The following KSR1 variants were observed in gnomAD, a reference collection of about 807,000 sequenced individuals.
KSR1 encodes kinase suppressor of ras 1.
A neutral mutation model predicts 92.9 loss-of-function variants in KSR1; 35 were observed. That is an observed-to-expected ratio of 0.38 (90% CI 0.29 to 0.50). KSR1 has a LOEUF of 0.50. KSR1 is among the 20% of genes least tolerant of loss of function. KSR1 has a pLI of 0.94. For missense variants in KSR1, 972 were observed against 1,158.5 expected, an observed-to-expected ratio of 0.84 and a Z score of 2.34; for synonymous variants, 467 against 472.6, an observed-to-expected ratio of 0.99 and a Z score of 0.15.
chr17:27,521,095 A>G (rs1597936048), intron 1 of KSR1, among the ~76,000 whole-genome samples: 1 of 152,154 alleles, frequency 6.6e-6, no homozygotes, highest in Non-Finnish European at 1.5e-5. Flanking sequence ...TGTTTGAATC[A>G]TGGGTGCTTT....
chr17:27,498,039 G>A (rs1432208138), intron 1 of KSR1, among the ~76,000 whole-genome samples: 1 of 152,134 alleles, frequency 6.6e-6, no homozygotes. Context: ...CCTTAAAAAT[G>A]CCTCTTGAGG....
chr17:27,531,387 G>A (rs2070531752), intron 1 of KSR1, among the ~76,000 whole-genome samples: 1 of 152,234 alleles, frequency 6.6e-6, no homozygotes, highest in South Asian at 2.1e-4. Context: ...GCCTTTGAAG[G>A]GGCTGCCTGG....
chr17:27,582,896 C>CACGG lies in KSR1; in HGVS notation c.771_772insACGG (p.Gly258ThrfsTer57). The CACGG allele has an allele frequency of 6.2e-7, 1 of 1,612,608 alleles. No homozygotes were observed. The highest frequency in any genetic ancestry group is 8.5e-7 in the Non-Finnish European group (1 of 1,179,340). ...ACACCTGTATTCCCCTGCACGCCAGCGGCCGGCTGACCCCCCGTGCCCTGC... is the reference window on the plus strand; with the variant it reads ...ACACCTGTATTCCCCTGCACGCCAGCACGGGGCCGGCTGACCCCCCGTGCCCTGC... On this transcript the variant is annotated frameshift_variant, in exon 4 of 21. Coordinates refer to ENST00000644974, the MANE Select transcript of KSR1 (RefSeq NM_001394583.1). LOFTEE classifies it high-confidence loss of function.
intron 4 of KSR1, among the ~76,000 whole-genome samples, chr17:27,583,553 C>T (rs1160982103): frequency 6.6e-6 from 1 of 152,250 alleles, no homozygotes; most frequent in Non-Finnish European, 1.5e-5. Context: ...CGTACTCCTT[C>T]TTGGAAGTTC....
intron 1 of KSR1, among the ~76,000 whole-genome samples, chr17:27,486,219 G>A (rs1016577251): frequency 2.3e-4 from 35 of 152,168 alleles, no homozygotes; most frequent in African/African-American, 7.2e-4. Flanking sequence ...ACAGCCCTTC[G>A]AGGATTTTCT....
At chr17:27,570,388 C>T (rs2072259293) in intron 2 of KSR1, among the ~76,000 whole-genome samples, 1 of 152,160 alleles carries the variant, frequency 6.6e-6, no homozygotes, top group African/African-American at 2.4e-5. Flanking sequence ...ATGTGCTGAC[C>T]TCTGTGGTTC....
intron 2 of KSR1, among the ~76,000 whole-genome samples, chr17:27,570,106 C>G (rs2072247478): frequency 6.6e-6 from 1 of 152,214 alleles, no homozygotes; most frequent in Non-Finnish European, 1.5e-5. Context: ...GGAGGAGCCT[C>G]CTGCAGCTGC....
At chr17:27,540,521 C>T (rs761424682) in intron 1 of KSR1, among the ~76,000 whole-genome samples, 1 of 152,188 alleles carries the variant, frequency 6.6e-6, no homozygotes, top group Non-Finnish European at 1.5e-5. Context: ...GGAGGCTTGG[C>T]GGGGAGGTTG....
chr17:27,601,786 GATGGGAGGATATCTT>G, intron 11 of KSR1: 2 of 792,650 alleles, frequency 2.5e-6, no homozygotes, highest in Non-Finnish European at 4.1e-6. Context: ...CTTGCACAAT[GATGGGAGGATATCTT>G]ATGCACAATG....
intron 1 of KSR1, chr17:27,526,632 T>C: frequency 6.4e-7 from 1 of 1,564,086 alleles, no homozygotes; most frequent in Admixed American, 1.7e-5. Context: ...TCGTGCATCT[T>C]TTTTAAAGCA....
intron 9 of KSR1, among the ~76,000 whole-genome samples, chr17:27,594,391 A>T (rs2073270345): frequency 6.6e-6 from 1 of 151,680 alleles, no homozygotes; most frequent in Non-Finnish European, 1.5e-5. Flanking sequence ...CTCTCCAGCT[A>T]CACCAAGCAC....
intron 1 of KSR1, among the ~76,000 whole-genome samples, chr17:27,484,112 A>G (rs2068594643): frequency 6.6e-6 from 1 of 152,190 alleles, no homozygotes; most frequent in Non-Finnish European, 1.5e-5. Context: ...AAGCAGACAG[A>G]GAGCAGTGAG....
At chr17:27,518,704 C>G (rs752449786) in intron 1 of KSR1, among the ~76,000 whole-genome samples, 1 of 152,152 alleles carries the variant, frequency 6.6e-6, no homozygotes, top group Non-Finnish European at 1.5e-5. Flanking sequence ...TGGCAGGAGT[C>G]GGGAAAGCTT....
intron 1 of KSR1, among the ~76,000 whole-genome samples, chr17:27,547,746 T>C (rs1322978168): frequency 1.3e-5 from 2 of 152,158 alleles, no homozygotes; most frequent in Admixed American, 1.3e-4. Flanking sequence ...AGACGATCAC[T>C]AAGGCTGGCA....
chr17:27,466,658 A>G (rs533397984), intron 1 of KSR1, among the ~76,000 whole-genome samples: 31 of 152,362 alleles, frequency 2.0e-4, no homozygotes, highest in African/African-American at 7.0e-4. Context: ...GGGCTGGGCT[A>G]CAGATGAAGA....
At position 27,582,886 on chromosome 17, in the gene KSR1, T is replaced by C; in HGVS notation, c.761T>C (p.Leu254Pro). 1 of 1,612,728 alleles carries C rather than the reference T, an allele frequency of 6.2e-7. No individual in the cohort carries two copies. The highest frequency in any genetic ancestry group is 8.5e-7 in the Non-Finnish European group (1 of 1,179,508). The change falls in exon 4 of 21, where the codon CTG becomes CCG. Residue 254 changes from leucine (L) to proline (P), a missense_variant. Transcript: ENST00000644974. ...SEGLSDTCIP[L>P]HASGRLTPRA... ...GGCCTCTCAGACACCTGTATTCCCCTGCACGCCAGCGGCCGGCTGACCCCC... is the reference window on the plus strand; with the variant it reads ...GGCCTCTCAGACACCTGTATTCCCCCGCACGCCAGCGGCCGGCTGACCCCC...
At chr17:27,499,386 A>G (rs2069099746) in intron 1 of KSR1, among the ~76,000 whole-genome samples, 1 of 152,236 alleles carries the variant, frequency 6.6e-6, no homozygotes, top group African/African-American at 2.4e-5. Context: ...TGAAGTAGCT[A>G]AGAAGGGAGA....
intron 19 of KSR1, among the ~76,000 whole-genome samples, chr17:27,618,814 A>T (rs934241616): frequency 1.3e-5 from 2 of 152,190 alleles, no homozygotes; most frequent in African/African-American, 2.4e-5. Context: ...GTGTCTGTAC[A>T]ATCTGCAAAC....
Position 27,459,848 on chromosome 17 carries a change from C to T in KSR1, c.231+2974C>T, listed in dbSNP as rs1461812810. 6.6e-6 allele frequency among the ~76,000 whole-genome samples: 1 copy of T among 152,032 alleles called. No individual in the cohort carries two copies. The highest frequency in any genetic ancestry group is 1.5e-5 in the Non-Finnish European group (1 of 68,016). On this transcript the variant is annotated intron_variant, in intron 1 of 20. Coordinates refer to ENST00000644974, the MANE Select transcript of KSR1 (RefSeq NM_001394583.1). This position sits in a 1 kb window ranked among gnomAD's most constrained non-coding sequence, Gnocchi z 4.6. ...TAGTGGGTCAGCGTGTCTGGTTGTC[C>T]GGGGATAGCTTTTCTCTGTGTGGTG...
Sources: gnomAD v4.1 joint callset for allele counts (sites outside exome capture counted in the v4.1 genomes callset) on GRCh38, gnomAD v4.1.1 for gene constraint, Gnocchi (gnomAD v3.1) non-coding constraint, MANE v1.5 for transcripts, NCBI Gene and HGNC (gene_info 2026-07-23, HGNC 2026-07-21) for gene names.